The following PDE4D variants were observed in gnomAD, a reference collection of about 807,000 sequenced individuals.
PDE4D encodes the protein phosphodiesterase 4D, also known as 3',5'-cyclic-AMP phosphodiesterase 4D.
A neutral mutation model predicts 87.4 loss-of-function variants in PDE4D; 24 were observed. The observed-to-expected ratio is 0.27, with a 90% CI of 0.20 to 0.39. The LOEUF is 0.39. PDE4D is among the 10% of genes least tolerant of loss of function. The probability of loss-of-function intolerance (pLI) is 1.00; values close to 1 mark genes in which losing one functional copy is unlikely to be tolerated. For missense variants in PDE4D, 714 were observed against 1,041.0 expected, an observed-to-expected ratio of 0.69 and a Z score of 4.32; for synonymous variants, 384 against 383.2, an observed-to-expected ratio of 1.00 and a Z score of -0.02.
intron 5 of PDE4D, chr5:59,091,064 A>G (rs1036976835): frequency 2.2e-6 from 1 of 449,052 alleles, no homozygotes; most frequent in Admixed American, 2.4e-5. Flanking sequence ...TCTACTAAAC[A>G]TATGAAGGAG....
chr5:60,383,819 C>T (rs922662164), intron 1 of PDE4D, among the ~76,000 whole-genome samples: 2 of 152,128 alleles, frequency 1.3e-5, no homozygotes, highest in Admixed American at 6.6e-5. Context: ...CCTTTAAATA[C>T]ATTATATGAA....
At chr5:59,146,730 A>G (rs1778716788) in intron 5 of PDE4D, among the ~76,000 whole-genome samples, 1 of 152,244 alleles carries the variant, frequency 6.6e-6, no homozygotes, top group Admixed American at 6.5e-5. Flanking sequence ...TGTACAGAAA[A>G]ACTATAAAAA....
intron 1 of PDE4D, among the ~76,000 whole-genome samples, chr5:60,284,566 C>G (rs968294452): frequency 6.6e-6 from 1 of 152,196 alleles, no homozygotes; most frequent in African/African-American, 2.4e-5. Context: ...GTGGTGTACT[C>G]TGCCATGAGC....
intron 1 of PDE4D, among the ~76,000 whole-genome samples, chr5:60,421,548 T>C (rs965343072): frequency 2.6e-5 from 4 of 152,078 alleles, no homozygotes; most frequent in African/African-American, 9.7e-5. Context: ...GTCACCAACA[T>C]GAAAGACCAA....
intron 1 of PDE4D, among the ~76,000 whole-genome samples, chr5:59,691,895 G>A (rs961207285): frequency 1.3e-5 from 2 of 151,958 alleles, no homozygotes; most frequent in Non-Finnish European, 2.9e-5. Context: ...CAAGTCATAG[G>A]GGTGAGATAG....
chr5:59,420,705 A>G (rs1346404829), intron 1 of PDE4D, among the ~76,000 whole-genome samples: 2 of 150,832 alleles, frequency 1.3e-5, no homozygotes, highest in African/African-American at 4.8e-5. Flanking sequence ...AAAAAAAAAA[A>G]ACAAGAAAAG....
intron 3 of PDE4D, among the ~76,000 whole-genome samples, chr5:59,951,733 A>C (rs1024201446): frequency 6.6e-6 from 1 of 152,298 alleles, no homozygotes; most frequent in East Asian, 1.9e-4. Flanking sequence ...CTCCCTCTAC[A>C]TAGAAGCCAT....
chr5:59,377,996 A>G lies in PDE4D; in HGVS notation c.456-162028T>C, dbSNP rs534612811. ...CAGGCATGTGTATGATCATTGCAGC[A>G]CTATTCACAATAGCAAAGACATAGA... On this transcript the variant is annotated intron_variant, in intron 1 of 14. Coordinates refer to ENST00000340635, the MANE Select transcript of PDE4D (RefSeq NM_001104631.2). 1.4e-3 allele frequency among the ~76,000 whole-genome samples: 215 copies of G among 152,324 alleles called. 1 individual carries two copies. The highest frequency in any genetic ancestry group is 3.3e-3 in the African/African-American group (139 of 41,576).
intron 1 of PDE4D, among the ~76,000 whole-genome samples, chr5:59,243,879 G>T (rs2153524030): frequency 6.6e-6 from 1 of 152,070 alleles, no homozygotes; most frequent in South Asian, 2.1e-4. Context: ...CAAAAATTTT[G>T]CCAAAGTAAT....
chr5:60,153,580 T>C (rs1475663350), intron 2 of PDE4D, among the ~76,000 whole-genome samples: 2 of 152,214 alleles, frequency 1.3e-5, no homozygotes, highest in Admixed American at 6.5e-5. Flanking sequence ...CCATGTTCTT[T>C]GAAGCATTAT....
At chr5:60,390,640 A>G (rs1353396533) in intron 1 of PDE4D, among the ~76,000 whole-genome samples, 1 of 129,370 alleles carries the variant, frequency 7.7e-6, no homozygotes, top group Non-Finnish European at 1.6e-5. Flanking sequence ...AGTAGAAATG[A>G]TAATTTAAAA....
At chr5:59,469,362 A>G (rs1383669838) in intron 1 of PDE4D, among the ~76,000 whole-genome samples, 1 of 152,096 alleles carries the variant, frequency 6.6e-6, no homozygotes, top group Non-Finnish European at 1.5e-5. Context: ...AAAAACAAAA[A>G]CTAACACACA....
At chr5:59,420,464 C>A (rs1043497253) in intron 1 of PDE4D, among the ~76,000 whole-genome samples, 1 of 152,124 alleles carries the variant, frequency 6.6e-6, no homozygotes, top group Non-Finnish European at 1.5e-5. Flanking sequence ...CAGGACTCAT[C>A]ATATGGGATT....
At chr5:59,413,232 C>T (rs890293259) in intron 1 of PDE4D, among the ~76,000 whole-genome samples, 11 of 151,850 alleles carry the variant, frequency 7.2e-5, no homozygotes, top group African/African-American at 1.4e-4. Context: ...CCAAGGTGGG[C>T]GGATCACGAG....
chr5:59,803,542 G>A (rs1767397702), intron 1 of PDE4D, among the ~76,000 whole-genome samples: 1 of 152,008 alleles, frequency 6.6e-6, no homozygotes, highest in African/African-American at 2.4e-5. Context: ...CAAGTGATCC[G>A]CCTGCCTTGG....
intron 2 of PDE4D, among the ~76,000 whole-genome samples, chr5:60,115,132 T>C (rs1457316723): frequency 1.3e-5 from 2 of 152,126 alleles, no homozygotes; most frequent in Non-Finnish European, 2.9e-5. Flanking sequence ...ACTTCCCCAG[T>C]GTACTGACAG....
At chr5:60,321,606 G>C (rs1019179041) in intron 1 of PDE4D, among the ~76,000 whole-genome samples, 1 of 152,120 alleles carries the variant, frequency 6.6e-6, no homozygotes, top group African/African-American at 2.4e-5. Flanking sequence ...ATACTAAACA[G>C]ACAACCTGCA....
At chr5:59,614,359 A>G (rs1342528148) in intron 1 of PDE4D, among the ~76,000 whole-genome samples, 1 of 152,234 alleles carries the variant, frequency 6.6e-6, no homozygotes, top group Admixed American at 6.5e-5. Context: ...CAAGCTTTGT[A>G]TTATCATAGA....
At chr5:59,093,945 C>A (rs1769207685) in intron 5 of PDE4D, among the ~76,000 whole-genome samples, 1 of 151,946 alleles carries the variant, frequency 6.6e-6, no homozygotes, top group Admixed American at 6.6e-5. Context: ...TGAGGCTGGG[C>A]ATGTTGGCTC....
Sources: gnomAD v4.1 joint callset for allele counts (sites outside exome capture counted in the v4.1 genomes callset) on GRCh38, gnomAD v4.1.1 for gene constraint, MANE v1.5 for transcripts, NCBI Gene and HGNC (gene_info 2026-07-23, HGNC 2026-07-21) for gene names.